GATA6: variants seen among roughly 807,000 people sequenced by gnomAD.
GATA6 encodes transcription factor GATA-6.
In GATA6, 11 loss-of-function variants were observed where a neutral mutation model predicts 48.1. The ratio of observed to expected loss-of-function variants is 0.23; its 90% confidence interval spans 0.14 to 0.38. The LOEUF is 0.38. Among genes scored for constraint, GATA6 ranks in the 10% least tolerant of loss-of-function variants. The probability of loss-of-function intolerance (pLI) is 1.00; values close to 1 mark genes in which losing one functional copy is unlikely to be tolerated. For missense variants in GATA6, 795 were observed against 850.3 expected (o/e 0.93, Z 0.81); for synonymous variants, 419 against 396.1 (o/e 1.06, Z -0.69).
In GATA6 at chr18:22,187,590, G is replaced by GT. The variant is rs11357737; in HGVS notation, c.1620+4555dup. Among the ~76,000 whole-genome samples, 704 of 151,202 alleles carry GT rather than the reference G, an allele frequency of 4.7e-3. 5 individuals are homozygous for GT. The highest frequency in any genetic ancestry group is 6.2e-3 in the Non-Finnish European group (421 of 67,740). On this transcript the variant is annotated intron_variant, in intron 6 of 6. Transcript: ENST00000269216. ...TTTATTGACTGAATTGTATTTTATA[G>GT]TTTTTTTTGGTTGTTATTTAGGAGA...
At position 22,172,065 on chromosome 18, in the gene GATA6, G is replaced by A; in HGVS notation, c.921G>A (p.Glu307=). ...GCCTGGCGGCCATGGGCGGCCGCGA[G>A]CCCCAGTACAGCTCGCTGTCGGCCG... is the stretch of plus-strand genomic sequence containing the variant. ...GSSLAAMGGR[E]PQYSSLSAAR... Residue 307 remains glutamate, a synonymous_variant, in exon 2 of 7, where the codon GAG becomes GAA. Coordinates refer to ENST00000269216, the MANE Select transcript of GATA6 (RefSeq NM_005257.6). This position sits in a 1 kb window ranked among gnomAD's most constrained non-coding sequence, Gnocchi z 5.2. The A allele has an allele frequency of 7.7e-7, 1 of 1,293,318 alleles. No individual in the cohort carries two copies. Among genetic ancestry groups the A allele is most frequent in the South Asian group, 2.5e-5 (1 of 40,586 alleles). 80.1% of individuals were successfully genotyped at this position (1,293,318 alleles called of 1,614,324 possible). A position where few individuals can be genotyped will look rare whatever the true frequency, so the allele number is the denominator to read the frequency against.
chr18:22,183,924 A>G (rs982735062), intron 6 of GATA6, among the ~76,000 whole-genome samples: 2 of 152,210 alleles, frequency 1.3e-5, no homozygotes, highest in African/African-American at 4.8e-5. Context: ...AGGACTAAAC[A>G]CCAGCATTTA....
chr18:22,201,808 G>A lies in GATA6; in HGVS notation c.*985G>A, dbSNP rs2033465926. 6.6e-6 allele frequency: 1 copy of A among 152,566 alleles called. No individual in the cohort carries two copies. Among genetic ancestry groups the A allele is most frequent in the South Asian group, 2.1e-4 (1 of 4,826 alleles). The allele number at this position is 152,566 out of a possible 1,614,324, so 9.5% of individuals were successfully genotyped here. ...TGCAACAACACTTTACTACCTAACG[G>A]ATAGCATTTGTAAATACTCTAGGTA... On this transcript the variant is annotated 3_prime_UTR_variant, in exon 7 of 7. Coordinates refer to ENST00000269216, the MANE Select transcript of GATA6 (RefSeq NM_005257.6).
intron 3 of GATA6, among the ~76,000 whole-genome samples, chr18:22,177,963 T>TG (rs1415676789): frequency 5.0e-4 from 68 of 135,908 alleles, no homozygotes; most frequent in South Asian, 9.9e-4. Flanking sequence ...TTTTTTTTTT[T>TG]TTTTTTTTTT....
intron 3 of GATA6, among the ~76,000 whole-genome samples, chr18:22,181,023 A>C (rs1839178803): frequency 6.6e-6 from 1 of 152,172 alleles, no homozygotes; most frequent in African/African-American, 2.4e-5. Flanking sequence ...TTTTGAGTAT[A>C]ACTCTATTTG....
At chr18:22,189,509 T>C (rs2033302908) in intron 6 of GATA6, among the ~76,000 whole-genome samples, 2 of 152,156 alleles carry the variant, frequency 1.3e-5, no homozygotes, top group South Asian at 4.1e-4. Flanking sequence ...CTGTGCACTA[T>C]GGTTGGTCAC....
In GATA6 at chr18:22,170,512, G is replaced by C. The variant is rs999217280; in HGVS notation, c.-37-596G>C. Among the ~76,000 whole-genome samples, 2 of 152,230 alleles carry C rather than the reference G, an allele frequency of 1.3e-5. No homozygotes were observed. Among genetic ancestry groups the C allele is most frequent in the African/African-American group, 4.8e-5 (2 of 41,458 alleles). On this transcript the variant is annotated intron_variant, in intron 1 of 6. Coordinates refer to ENST00000269216, the MANE Select transcript of GATA6 (RefSeq NM_005257.6). This position sits in a 1 kb window ranked among gnomAD's most constrained non-coding sequence, Gnocchi z 6.7. Reference sequence around the variant, plus strand: ...GCATTTCTCTCTGGGGCTCGCGTTCGGGCTGGTCAGCGCAGTCCGGGAAGC... The same window carrying C: ...GCATTTCTCTCTGGGGCTCGCGTTCCGGCTGGTCAGCGCAGTCCGGGAAGC...
intron 6 of GATA6, among the ~76,000 whole-genome samples, chr18:22,187,764 T>C (rs1192065512): frequency 6.6e-6 from 1 of 152,044 alleles, no homozygotes; most frequent in African/African-American, 2.4e-5. Context: ...AGATAAAAAG[T>C]TTTTTTCTTA....
At chr18:22,178,899 T>G (rs1474871130) in intron 3 of GATA6, among the ~76,000 whole-genome samples, 1 of 152,208 alleles carries the variant, frequency 6.6e-6, no homozygotes, top group Admixed American at 6.5e-5. Flanking sequence ...AAAGGCACAT[T>G]GAGCTGAGTA....
chr18:22,174,662 C>T (rs561823031), intron 2 of GATA6, among the ~76,000 whole-genome samples: 16 of 151,918 alleles, frequency 1.1e-4, no homozygotes, highest in Admixed American at 2.6e-4. Context: ...AGCGAGTGAC[C>T]CTAACTTTGC....
Position 22,172,161 on chromosome 18 carries a change from C to T in GATA6, c.1017C>T (p.Pro339=). Residue 339 remains proline, a synonymous_variant, in exon 2 of 7, where the codon CCC becomes CCT. Transcript: ENST00000269216. This position sits in a 1 kb window ranked among gnomAD's most constrained non-coding sequence, Gnocchi z 5.2. ...ACCACCATCCGAGCCCCTACTCGCC[C>T]TACGTGGGGGCGCCACTGACGCCTG... The part of the protein sequence containing the change: ...HHHHHPSPYS[P]YVGAPLTPAW... 6.5e-7 allele frequency: 1 copy of T among 1,533,304 alleles called. No individual in the cohort carries two copies. The highest frequency in any genetic ancestry group is 8.7e-7 in the Non-Finnish European group (1 of 1,145,700). The allele number at this position is 1,533,304 out of a possible 1,614,324, so 95.0% of individuals were successfully genotyped here.
At chr18:22,197,644 C>T (rs1403336393) in intron 6 of GATA6, among the ~76,000 whole-genome samples, 2 of 152,208 alleles carry the variant, frequency 1.3e-5, no homozygotes, top group Non-Finnish European at 2.9e-5. Flanking sequence ...GGCACCTTGC[C>T]TTCGCTTTTA....
rs1416602259 is a variant in GATA6 at position 22,201,450 on chromosome 18, C to A, written c.*627C>A. On this transcript the variant is annotated 3_prime_UTR_variant, in exon 7 of 7. Transcript: ENST00000269216. ...GGGTAGCAAACAAGATATTTTTCTT[C>A]CATGTATACAATAATTTTTTTAAAA... 2.0e-5 allele frequency: 3 copies of A among 153,110 alleles called. No homozygotes were observed. The South Asian group carries it at 6.2e-4, about 32-fold the overall frequency. The allele number at this position is 153,110 out of a possible 1,614,324, so 9.5% of individuals were successfully genotyped here. A position where few individuals can be genotyped will look rare whatever the true frequency, so the allele number is the denominator to read the frequency against.
rs1329909099 is a variant in GATA6, at chr18:22,170,166, G to A, written c.-38+484G>A. Among the ~76,000 whole-genome samples the A allele has an allele frequency of 1.3e-5, 2 of 152,156 alleles. No individual in the cohort carries two copies. The highest frequency in any genetic ancestry group is 1.5e-5 in the Non-Finnish European group (1 of 68,020). On this transcript the variant is annotated intron_variant, in intron 1 of 6. Transcript: ENST00000269216. This position sits in a 1 kb window ranked among gnomAD's most constrained non-coding sequence, Gnocchi z 6.7. ...CATTTGGGGTCGCCTCGGCTCTGGG[G>A]CGGTCTCACGCTCCCCCCTCCCCAG...
At position 22,181,497 on chromosome 18, in the gene GATA6, C is replaced by G; in HGVS notation, c.1347C>G (p.Thr449=). The part of the protein sequence containing the change: ...RLGLSCANCH[T]TTTTLWRRNA... ...GATTGTCCTGTGCCAACTGTCACACCACAACTACCACCTTATGGCGCAGAA... is the reference window on the plus strand; with the variant it reads ...GATTGTCCTGTGCCAACTGTCACACGACAACTACCACCTTATGGCGCAGAA... Residue 449 remains threonine, a synonymous_variant, in exon 4 of 7, where the codon ACC becomes ACG. Coordinates refer to ENST00000269216, the MANE Select transcript of GATA6 (RefSeq NM_005257.6). 6.2e-7 allele frequency: 1 copy of G among 1,614,130 alleles called. No individual in the cohort carries two copies. Among genetic ancestry groups the G allele is most frequent in the Non-Finnish European group, 8.5e-7 (1 of 1,180,016 alleles).
At chr18:22,200,591 C>T in intron 6 of GATA6, 65 bp from the exon 7 acceptor site, 1 of 1,598,042 alleles carries the variant, frequency 6.3e-7, no homozygotes, top group Admixed American at 1.7e-5. Flanking sequence ...CCATGTATTT[C>T]ACTACCAGGA....
At chr18:22,188,445 T>C (rs2033290425) in intron 6 of GATA6, among the ~76,000 whole-genome samples, 1 of 152,006 alleles carries the variant, frequency 6.6e-6, no homozygotes, top group South Asian at 2.1e-4. Flanking sequence ...GGGATAGAGG[T>C]ATCCAGGAAA....
At position 22,171,973 on chromosome 18, in the gene GATA6, C is replaced by A; in HGVS notation, c.829C>A (p.Arg277=). Residue 277 remains arginine, a synonymous_variant, in exon 2 of 7, where the codon CGG becomes AGG. Coordinates refer to ENST00000269216, the MANE Select transcript of GATA6 (RefSeq NM_005257.6). This position sits in a 1 kb window ranked among gnomAD's most constrained non-coding sequence, Gnocchi z 7.1. ...PSPPMANGAA[R]EPGGYAAAGS... ...CCCGCCCATGGCCAACGGCGCCGCG[C>A]GGGAGCCGGGAGGCTACGCGGCGGC... The A allele has an allele frequency of 8.2e-7, 1 of 1,212,306 alleles. No homozygotes were observed. The highest frequency in any genetic ancestry group is 1.6e-5 in the African/African-American group (1 of 63,466). The allele number at this position is 1,212,306 out of a possible 1,614,324, so 75.1% of individuals were successfully genotyped here.
rs1385341551 is a variant in GATA6 at position 22,171,701 on chromosome 18, C to T, written c.557C>T (p.Pro186Leu). 2.0e-6 allele frequency: 3 copies of T among 1,497,884 alleles called. No homozygotes were observed. The highest frequency in any genetic ancestry group is 1.5e-5 in the African/African-American group (1 of 68,428). 92.8% of individuals were successfully genotyped at this position (1,497,884 alleles called of 1,614,324 possible). A position where few individuals can be genotyped will look rare whatever the true frequency, so the allele number is the denominator to read the frequency against. Residue 186 changes from proline (P) to leucine (L), a missense_variant, in exon 2 of 7, where the codon CCG becomes CTG. Coordinates refer to ENST00000269216, the MANE Select transcript of GATA6 (RefSeq NM_005257.6). This position sits in a 1 kb window ranked among gnomAD's most constrained non-coding sequence, Gnocchi z 7.1. Reference sequence around the variant, plus strand: ...GCAGCCGCGGCGGCGGCCAGCTCCCCGGTCTACGTGCCCACCACCCGCGTG... The same window carrying T: ...GCAGCCGCGGCGGCGGCCAGCTCCCTGGTCTACGTGCCCACCACCCGCGTG... ...AAAAAAAASS[P>L]VYVPTTRVGS...
Sources: allele counts gnomAD v4.1 joint callset (sites outside exome capture counted in the v4.1 genomes callset), GRCh38; gene constraint gnomAD v4.1.1; non-coding constraint Gnocchi (gnomAD v3.1); transcripts MANE v1.5; gene names NCBI Gene and HGNC (gene_info 2026-07-23, HGNC 2026-07-21).